The following EPHB1 variants were observed in gnomAD, a reference collection of about 807,000 sequenced individuals.
EPHB1 encodes ephrin type-B receptor 1.
Under a neutral mutation model 94.4 loss-of-function variants are expected in EPHB1, and 30 were observed. The ratio of observed to expected loss-of-function variants is 0.32; its 90% CI spans 0.24 to 0.43. The LOEUF is 0.43. Ranked by LOEUF, EPHB1 falls within the 20% of genes least tolerant of loss-of-function variation. The probability of loss-of-function intolerance (pLI) is 1.00; values close to 1 mark genes in which losing one functional copy is unlikely to be tolerated. For synonymous variants in EPHB1, 522 were observed against 489.1 expected (o/e 1.07, Z -0.89); for missense variants, 1,055 against 1,308.3 (o/e 0.81, Z 2.99).
At chr3:135,103,471 G>A (rs1256879210) in intron 3 of EPHB1, among the ~76,000 whole-genome samples, 1 of 152,176 alleles carries the variant, frequency 6.6e-6, no homozygotes, top group Non-Finnish European at 1.5e-5. Flanking sequence ...TTAAAGGAGT[G>A]GGTAAGTTGG....
At chr3:135,049,155 C>A (rs1171215932) in intron 3 of EPHB1, among the ~76,000 whole-genome samples, 1 of 152,168 alleles carries the variant, frequency 6.6e-6, no homozygotes, top group Non-Finnish European at 1.5e-5. Flanking sequence ...AGATGCCTTG[C>A]CATTGAGATT....
intron 1 of EPHB1, among the ~76,000 whole-genome samples, chr3:134,811,168 T>C (rs2036166626): frequency 6.6e-6 from 1 of 151,158 alleles, no homozygotes; most frequent in South Asian, 2.1e-4. Context: ...GTTCTCACTA[T>C]CACAGAGTTC....
intron 1 of EPHB1, among the ~76,000 whole-genome samples, chr3:134,841,847 T>C (rs976775977): frequency 1.3e-5 from 2 of 152,252 alleles, no homozygotes; most frequent in African/African-American, 4.8e-5. Context: ...CTCTTATTTC[T>C]TTATTCATAA....
At chr3:134,886,585 C>T (rs562127167) in intron 1 of EPHB1, among the ~76,000 whole-genome samples, 1 of 152,276 alleles carries the variant, frequency 6.6e-6, no homozygotes, top group South Asian at 2.1e-4. Context: ...TAGGGCTTTC[C>T]TTCCTGTAAA....
intron 3 of EPHB1, among the ~76,000 whole-genome samples, chr3:135,071,032 C>T (rs2107781757): frequency 6.6e-6 from 1 of 152,318 alleles, no homozygotes; most frequent in Admixed American, 6.5e-5. Flanking sequence ...TCCTCCTCAA[C>T]CTGGAAGCTT....
intron 3 of EPHB1, among the ~76,000 whole-genome samples, chr3:134,977,359 CT>C (rs1934229481): frequency 1.3e-5 from 2 of 152,218 alleles, no homozygotes; most frequent in East Asian, 3.8e-4. Flanking sequence ...CTCCTGCATC[CT>C]GCATTCCTTT....
In EPHB1 at chr3:134,798,704, A is replaced by C. The variant is rs1011953361; in HGVS notation, c.58+3015A>C. Reference sequence around the variant, plus strand: ...TTCAAGCCCACCGGTGCCTTTTCCCACCTGCTCTGAGAGCTTGTTGAGAAT... The same window carrying C: ...TTCAAGCCCACCGGTGCCTTTTCCCCCCTGCTCTGAGAGCTTGTTGAGAAT... On this transcript the variant is annotated intron_variant, in intron 1 of 15. Coordinates refer to ENST00000398015, the MANE Select transcript of EPHB1 (RefSeq NM_004441.5). Among the ~76,000 whole-genome samples the C allele has an allele frequency of 1.3e-4, 20 of 152,114 alleles. 1 individual carries two copies.
At chr3:135,005,934 T>G (rs897866206) in intron 3 of EPHB1, among the ~76,000 whole-genome samples, 2 of 152,220 alleles carry the variant, frequency 1.3e-5, no homozygotes, top group Non-Finnish European at 2.9e-5. Context: ...TCGCTCAGGC[T>G]GGGAGCTGTA....
chr3:134,942,019 G>A (rs2039129385), intron 2 of EPHB1, among the ~76,000 whole-genome samples: 1 of 152,176 alleles, frequency 6.6e-6, no homozygotes, highest in Non-Finnish European at 1.5e-5. Flanking sequence ...TTATCTCAAG[G>A]ACAGGTGATC....
At chr3:135,163,904 G>C (rs149851402) in intron 7 of EPHB1, among the ~76,000 whole-genome samples, 11 of 152,246 alleles carry the variant, frequency 7.2e-5, no homozygotes, top group Non-Finnish European at 7.4e-5. Flanking sequence ...TAGTCAGAAG[G>C]TTGATCGATG....
At chr3:135,220,737 G>A (rs996917507) in intron 12 of EPHB1, among the ~76,000 whole-genome samples, 3 of 152,084 alleles carry the variant, frequency 2.0e-5, no homozygotes, top group Admixed American at 2.0e-4. Context: ...CAAGGGCAAG[G>A]CTGGTATTTT....
chr3:134,991,309 C>T (rs1326086270), intron 3 of EPHB1, among the ~76,000 whole-genome samples: 1 of 152,178 alleles, frequency 6.6e-6, no homozygotes, highest in Non-Finnish European at 1.5e-5. Context: ...CTGGAAAGTA[C>T]AGATGCATCG....
chr3:134,900,298 C>A (rs1286452749), intron 1 of EPHB1, among the ~76,000 whole-genome samples: 1 of 152,196 alleles, frequency 6.6e-6, no homozygotes, highest in East Asian at 1.9e-4. Flanking sequence ...GTGGTCCCAG[C>A]AAAGTGCCTG....
intron 11 of EPHB1, among the ~76,000 whole-genome samples, chr3:135,194,520 A>C (rs1043887855): frequency 2.0e-5 from 3 of 152,214 alleles, no homozygotes; most frequent in Non-Finnish European, 4.4e-5. Flanking sequence ...TGAAGGCCGA[A>C]GTAAATGTGG....
chr3:135,146,901 T>C (rs916364060), intron 5 of EPHB1, among the ~76,000 whole-genome samples: 2 of 152,188 alleles, frequency 1.3e-5, no homozygotes, highest in Non-Finnish European at 2.9e-5. Flanking sequence ...GTCCCCAGCC[T>C]GGCAGGTGGG....
At chr3:135,106,768 G>T (rs1488564641) in intron 4 of EPHB1, among the ~76,000 whole-genome samples, 165 bp downstream of exon 4, 1 of 152,262 alleles carries the variant, frequency 6.6e-6, no homozygotes, top group South Asian at 2.1e-4. Flanking sequence ...GAGTTCAGAG[G>T]CCTTGTCCCT....
chr3:135,108,075 C>T (rs1554675), intron 4 of EPHB1, among the ~76,000 whole-genome samples: 135,199 of 152,162 alleles, frequency 0.89, 60,528 homozygotes, highest in East Asian at 0.98. Context: ...CCGAAGTATA[C>T]GCCCAGGGAC....
At chr3:135,217,730 T>G (rs765572036) in intron 12 of EPHB1, among the ~76,000 whole-genome samples, 6 of 152,178 alleles carry the variant, frequency 3.9e-5, no homozygotes, top group Non-Finnish European at 7.3e-5. Context: ...ATTTTTTTAA[T>G]AATGCACTTA....
At chr3:135,242,322 C>T (rs1038397223) in intron 13 of EPHB1, among the ~76,000 whole-genome samples, 1 of 152,162 alleles carries the variant, frequency 6.6e-6, no homozygotes, top group Non-Finnish European at 1.5e-5. Flanking sequence ...GAATGGTCCC[C>T]AGTTCAGATC....
Sources: allele counts gnomAD v4.1 joint callset (sites outside exome capture counted in the v4.1 genomes callset), GRCh38; gene constraint gnomAD v4.1.1; transcripts MANE v1.5; gene names NCBI Gene and HGNC (gene_info 2026-07-23, HGNC 2026-07-21).